Variants in ATRNL1 observed in about 807,000 individuals in gnomAD.
ATRNL1 encodes the protein attractin-like protein 1.
A neutral mutation model predicts 182.7 loss-of-function variants in ATRNL1; 95 were observed. The observed-to-expected ratio is 0.52, with a 90% CI of 0.44 to 0.62. ATRNL1 has a LOEUF of 0.62. Among genes scored for constraint, ATRNL1 ranks in the 20% least tolerant of loss-of-function variants. The pLI is 0.00. For synonymous variants in ATRNL1, 576 were observed against 568.3 expected, an observed-to-expected ratio of 1.01 and a Z score of -0.19; for missense variants, 1,471 against 1,679.5, an observed-to-expected ratio of 0.88 and a Z score of 2.17.
chr10:115,729,996 C>T (rs535326883), intron 27 of ATRNL1, among the ~76,000 whole-genome samples: 2 of 152,002 alleles, frequency 1.3e-5, no homozygotes, highest in South Asian at 4.2e-4. Context: ...GTGGCTCACT[C>T]CTGTAATCCC....
intron 15 of ATRNL1, among the ~76,000 whole-genome samples, chr10:115,297,599 C>T (rs1306251499): frequency 6.9e-6 from 1 of 144,730 alleles, no homozygotes; most frequent in African/African-American, 2.6e-5. Context: ...GAGCCAAGAT[C>T]GAGATTGCGC....
At chr10:115,234,017 C>G (rs529294178) in intron 9 of ATRNL1, among the ~76,000 whole-genome samples, 5 of 151,654 alleles carry the variant, frequency 3.3e-5, no homozygotes, top group Non-Finnish European at 7.4e-5. Flanking sequence ...CTTTTTAATA[C>G]TCTAGAACAT....
chr10:115,940,701 TC>T (rs58931509), intron 28 of ATRNL1, among the ~76,000 whole-genome samples: 3 of 101,236 alleles, frequency 3.0e-5, no homozygotes, highest in South Asian at 2.7e-4. Flanking sequence ...CTCTCTCTTC[TC>T]TCTCTCTCTC....
chr10:115,150,081 A>T (rs782503278), intron 5 of ATRNL1, among the ~76,000 whole-genome samples: 1 of 151,846 alleles, frequency 6.6e-6, no homozygotes, highest in African/African-American at 2.4e-5. Flanking sequence ...AGTAGGATGT[A>T]TGTGTCTAGG....
chr10:115,696,727 A>G (rs1402502366), intron 26 of ATRNL1, among the ~76,000 whole-genome samples: 1 of 152,134 alleles, frequency 6.6e-6, no homozygotes, highest in Non-Finnish European at 1.5e-5. Flanking sequence ...TCACACTGCT[A>G]TAAAGAACTA....
intron 22 of ATRNL1, among the ~76,000 whole-genome samples, chr10:115,464,894 G>GGGTGAA (rs1296174234): frequency 6.6e-6 from 1 of 151,638 alleles, no homozygotes; most frequent in African/African-American, 2.4e-5. Flanking sequence ...CCAGTCCTCT[G>GGGTGAA]GGTGAAGATG....
intron 3 of ATRNL1, among the ~76,000 whole-genome samples, chr10:115,123,249 T>A (rs1844820411): frequency 1.3e-5 from 2 of 152,346 alleles, no homozygotes; most frequent in African/African-American, 4.8e-5. Context: ...TGTTAAGCAC[T>A]AGGCTAGGCA....
intron 22 of ATRNL1, among the ~76,000 whole-genome samples, chr10:115,463,274 C>A (rs1034736572): frequency 6.6e-6 from 1 of 151,856 alleles, no homozygotes. Flanking sequence ...GTTCATTTTA[C>A]ATTTTATGTT....
Position 115,773,132 on chromosome 10 carries a change from G to T in ATRNL1, c.3903+45777G>T, listed in dbSNP as rs140270874. On this transcript the variant is annotated intron_variant, in intron 27 of 28. Coordinates refer to ENST00000355044, the MANE Select transcript of ATRNL1 (RefSeq NM_207303.4). ...GAAACTGCAATAGGGAGCAAGAGCA[G>T]GGAGAATGACTCTTTTTAACAGTTG... 4.6e-3 allele frequency among the ~76,000 whole-genome samples: 704 copies of T among 152,308 alleles called. 1 individual carries two copies. The highest frequency in any genetic ancestry group is 0.01 in the Middle Eastern group (3 of 294).
intron 8 of ATRNL1, among the ~76,000 whole-genome samples, chr10:115,198,379 A>C (rs1848438429): frequency 6.6e-6 from 1 of 152,000 alleles, no homozygotes. Flanking sequence ...CTTGCTGTTA[A>C]GTTCTTTGAG....
chr10:115,245,976 T>G (rs538438364), intron 10 of ATRNL1, among the ~76,000 whole-genome samples: 47 of 152,198 alleles, frequency 3.1e-4, no homozygotes, highest in Non-Finnish European at 2.1e-4. Flanking sequence ...TTGCTCAAGG[T>G]GTTCTCTTTC....
chr10:115,094,406 C>A (rs2084960350), intron 1 of ATRNL1, among the ~76,000 whole-genome samples: 1 of 152,180 alleles, frequency 6.6e-6, no homozygotes, highest in African/African-American at 2.4e-5. Flanking sequence ...CAGAAATTGT[C>A]CAAGTTACTT....
intron 5 of ATRNL1, among the ~76,000 whole-genome samples, chr10:115,136,984 T>A (rs550459056): frequency 1.3e-5 from 2 of 152,258 alleles, no homozygotes; most frequent in East Asian, 3.9e-4. Context: ...TTATAACACA[T>A]GAAAAGCAAG....
intron 27 of ATRNL1, among the ~76,000 whole-genome samples, chr10:115,810,781 G>A (rs1555086820): frequency 1.3e-5 from 2 of 151,466 alleles, no homozygotes; most frequent in African/African-American, 4.8e-5. Flanking sequence ...CAAATTTATT[G>A]GCAGTCTCTT....
intron 26 of ATRNL1, among the ~76,000 whole-genome samples, chr10:115,621,769 A>G (rs1425301842): frequency 6.6e-6 from 1 of 152,234 alleles, no homozygotes; most frequent in Non-Finnish European, 1.5e-5. Context: ...AAAGAAAATC[A>G]TTTTCCCTGC....
chr10:115,137,659 G>A (rs1430280329), intron 5 of ATRNL1, among the ~76,000 whole-genome samples: 1 of 152,166 alleles, frequency 6.6e-6, no homozygotes, highest in East Asian at 1.9e-4. Context: ...CATGAGAATA[G>A]CAAGGGAAAG....
At chr10:115,561,704 G>GGTGTGT (rs71010029) in intron 26 of ATRNL1, among the ~76,000 whole-genome samples, 1,726 of 145,022 alleles carry the variant, frequency 0.012, 39 homozygotes, top group African/African-American at 0.041. Flanking sequence ...TGTGTGTGTG[G>GGTGTGT]GTGTGTGTGT....
chr10:115,599,695 G>A (rs1856479938), intron 26 of ATRNL1, among the ~76,000 whole-genome samples: 1 of 151,892 alleles, frequency 6.6e-6, no homozygotes, highest in Non-Finnish European at 1.5e-5. Context: ...ATGGAAATTT[G>A]GAATGACTAA....
chr10:115,706,590 GT>G (rs1555053138), intron 26 of ATRNL1, among the ~76,000 whole-genome samples: 1 of 151,726 alleles, frequency 6.6e-6, no homozygotes. Context: ...TACCAATGTT[GT>G]CTTCCATTTT....
Sources: gnomAD v4.1 joint callset for allele counts (sites outside exome capture counted in the v4.1 genomes callset) on GRCh38, gnomAD v4.1.1 for gene constraint, MANE v1.5 for transcripts, NCBI Gene and HGNC (gene_info 2026-07-23, HGNC 2026-07-21) for gene names.